ADAMTS16: variants seen among roughly 807,000 people sequenced by gnomAD.
The protein encoded by ADAMTS16 is ADAM metallopeptidase with thrombospondin type 1 motif 16, also known as A disintegrin and metalloproteinase with thrombospondin motifs 16.
ADAMTS16 carries 94 observed loss-of-function variants against 145.8 expected under a neutral mutation model. The ratio of observed to expected loss-of-function variants is 0.64; its 90% CI spans 0.55 to 0.77. ADAMTS16 has a LOEUF of 0.77. Among genes scored for constraint, ADAMTS16 ranks in the 30% least tolerant of loss-of-function variants. The pLI is 0.00. For synonymous variants in ADAMTS16, 659 were observed against 604.3 expected (o/e 1.09, Z -1.33); for missense variants, 1,585 against 1,591.5 (o/e 1.00, Z 0.07).
rs114449603 is a variant in ADAMTS16, at chr5:5,243,924, G to A, written c.2662+1733G>A. Among the ~76,000 whole-genome samples, 710 of 152,222 alleles carry A rather than the reference G, an allele frequency of 4.7e-3. 6 individuals are homozygous for A. The highest frequency in any genetic ancestry group is 0.016 in the African/African-American group (659 of 41,526). On this transcript the variant is annotated intron_variant, in intron 17 of 22. Transcript: ENST00000274181. The stretch of plus-strand genomic sequence containing the variant: ...CCTAAGGAATAATTGAGAGTTTCTG[G>A]GGGAAATCAACCCAAAATCCATTCC...
At chr5:5,198,113 A>C (rs970481389) in intron 8 of ADAMTS16, among the ~76,000 whole-genome samples, 1 of 152,200 alleles carries the variant, frequency 6.6e-6, no homozygotes, top group African/African-American at 2.4e-5. Context: ...TTAGAAAGGT[A>C]GGCAGACACG....
At chr5:5,144,915 GT>G (rs1311631855) in intron 2 of ADAMTS16, among the ~76,000 whole-genome samples, 1 of 152,162 alleles carries the variant, frequency 6.6e-6, no homozygotes, top group Non-Finnish European at 1.5e-5. Context: ...GCAGCCAACT[GT>G]GGAAAGAGTG....
At chr5:5,276,783 G>A (rs192867293) in intron 18 of ADAMTS16, among the ~76,000 whole-genome samples, 157 of 152,118 alleles carry the variant, frequency 1.0e-3, no homozygotes, top group African/African-American at 3.6e-3. Flanking sequence ...AACTGGCCCC[G>A]GAAAGAGAAC....
chr5:5,231,225 C>A (rs1736912228), intron 11 of ADAMTS16, among the ~76,000 whole-genome samples: 1 of 152,164 alleles, frequency 6.6e-6, no homozygotes, highest in East Asian at 1.9e-4. Context: ...TGTTGTTTTG[C>A]TTAAAGAAAA....
At chr5:5,286,593 T>C (rs1739109868) in intron 18 of ADAMTS16, among the ~76,000 whole-genome samples, 1 of 152,168 alleles carries the variant, frequency 6.6e-6, no homozygotes, top group Non-Finnish European at 1.5e-5. Context: ...GTGAGGTGGC[T>C]CACGCCTGTA....
Position 5,191,544 on chromosome 5 carries a change from C to T in ADAMTS16, c.1208-141C>T, listed in dbSNP as rs376816849. 31 of 652,420 alleles carry T rather than the reference C, an allele frequency of 4.8e-5. No homozygotes were observed. The Middle Eastern group carries it at 1.3e-3, about 27-fold the overall frequency. The allele number at this position is 652,420 out of a possible 1,614,324, so 40.4% of individuals were successfully genotyped here. ...CCTACCTTATCAAGTCCCCTTTATA[C>T]GGTTGTCTAAGTGTTTCCCATTTCA... On this transcript the variant is annotated intron_variant, in intron 7 of 22. Transcript: ENST00000274181.
intron 11 of ADAMTS16, among the ~76,000 whole-genome samples, chr5:5,224,585 G>A (rs183092305): frequency 2.9e-4 from 44 of 152,240 alleles, no homozygotes; most frequent in Admixed American, 7.2e-4. Context: ...CACCACATCC[G>A]GCCAACTGCT....
chr5:5,273,397 C>G (rs1738562173), intron 18 of ADAMTS16, among the ~76,000 whole-genome samples: 1 of 152,224 alleles, frequency 6.6e-6, no homozygotes, highest in African/African-American at 2.4e-5. Flanking sequence ...GTGGCACACG[C>G]CTGTGCTCTC....
At chr5:5,305,027 ACAC>A (rs1739997390) in intron 20 of ADAMTS16, among the ~76,000 whole-genome samples, 1 of 56,478 alleles carries the variant, frequency 1.8e-5, no homozygotes, top group South Asian at 7.2e-4. Context: ...ACACACACAC[ACAC>A]ATCCATCCCA....
At chr5:5,263,739 C>G (rs1738123706) in intron 18 of ADAMTS16, among the ~76,000 whole-genome samples, 1 of 152,202 alleles carries the variant, frequency 6.6e-6, no homozygotes, top group Non-Finnish European at 1.5e-5. Context: ...CTTTTAGTTC[C>G]ATCATCCACA....
At chr5:5,145,488 T>C (rs1036818889) in intron 2 of ADAMTS16, among the ~76,000 whole-genome samples, 1 of 152,168 alleles carries the variant, frequency 6.6e-6, no homozygotes, top group Non-Finnish European at 1.5e-5. Context: ...ACCAGGGAAA[T>C]TGGCAAATGC....
intron 6 of ADAMTS16, among the ~76,000 whole-genome samples, chr5:5,188,920 C>T (rs1451281072): frequency 6.6e-6 from 1 of 152,148 alleles, no homozygotes; most frequent in South Asian, 2.1e-4. Context: ...TTCATCCAAG[C>T]TGCAAAGAAT....
intron 8 of ADAMTS16, among the ~76,000 whole-genome samples, chr5:5,198,826 T>A (rs1052366440): frequency 6.6e-6 from 1 of 152,208 alleles, no homozygotes; most frequent in Non-Finnish European, 1.5e-5. Context: ...ACTGGTGTCT[T>A]CCTGTCCCTG....
intron 19 of ADAMTS16, 46 bp downstream of exon 19, chr5:5,303,515 G>T: frequency 6.2e-7 from 1 of 1,608,262 alleles, no homozygotes; most frequent in South Asian, 1.1e-5. Flanking sequence ...GCCCCTGCAT[G>T]ATCTGCTGTG....
At chr5:5,162,575 G>A (rs1017417743) in intron 3 of ADAMTS16, among the ~76,000 whole-genome samples, 4 of 152,190 alleles carry the variant, frequency 2.6e-5, no homozygotes, top group African/African-American at 4.8e-5. Flanking sequence ...TTTGGTGCAT[G>A]CACGGGGAAC....
In ADAMTS16 at chr5:5,317,205, C is replaced by G. The variant is rs1734088854; in HGVS notation, c.3412-929C>G. 6.6e-6 allele frequency among the ~76,000 whole-genome samples: 1 copy of G among 152,180 alleles called. No homozygotes were observed. Among genetic ancestry groups the G allele is most frequent in the Admixed American group, 6.5e-5 (1 of 15,284 alleles). On this transcript the variant is annotated intron_variant, in intron 21 of 22. Transcript: ENST00000274181. The surrounding 1 kb of genome is among the most constrained non-coding windows in gnomAD (Gnocchi z 4.5). ...GTGGTAACATCAGCAACCGTGTTCT[C>G]TGAAATACCGTAAATAGAAACCAAG... is the stretch of plus-strand genomic sequence containing the variant.
rs538757843 is a variant in ADAMTS16 at position 5,300,293 on chromosome 5, G to A, written c.2790-2975G>A. 7.2e-5 allele frequency among the ~76,000 whole-genome samples: 11 copies of A among 152,220 alleles called. No homozygotes were observed. In the East Asian group the frequency reaches 9.7e-4, roughly 13 times the overall value. On this transcript the variant is annotated intron_variant, in intron 18 of 22. Transcript: ENST00000274181. ...ACACAGAAGCGGCAACAGAGTAACCGAGAGGCTTTACATGGAGAATTATCA... is the reference window on the plus strand; with the variant it reads ...ACACAGAAGCGGCAACAGAGTAACCAAGAGGCTTTACATGGAGAATTATCA...
chr5:5,244,496 C>A (rs1021479054), intron 17 of ADAMTS16, among the ~76,000 whole-genome samples: 1 of 152,152 alleles, frequency 6.6e-6, no homozygotes, highest in Non-Finnish European at 1.5e-5. Context: ...AGGCCATGCT[C>A]CTTAGAAATT....
intron 3 of ADAMTS16, among the ~76,000 whole-genome samples, chr5:5,151,479 C>T (rs978234986): frequency 6.6e-6 from 1 of 151,932 alleles, no homozygotes; most frequent in African/African-American, 2.4e-5. Flanking sequence ...ACCTTGTGAT[C>T]CACCCGCCTC....
Sources: gnomAD v4.1 joint callset for allele counts (sites outside exome capture counted in the v4.1 genomes callset) on GRCh38, gnomAD v4.1.1 for gene constraint, Gnocchi (gnomAD v3.1) non-coding constraint, MANE v1.5 for transcripts, NCBI Gene and HGNC (gene_info 2026-07-23, HGNC 2026-07-21) for gene names.